Variants in CNTLN observed in about 807,000 individuals in gnomAD.
The protein encoded by CNTLN is centlein.
In CNTLN, 212 loss-of-function variants were observed where a neutral mutation model predicts 180.0. The ratio of observed to expected loss-of-function variants is 1.18; its 90% CI spans 1.05 to 1.32. The LOEUF is 1.32. Among genes scored for constraint, CNTLN ranks in the 40% most tolerant of loss-of-function variants. The probability of loss-of-function intolerance (pLI) is 0.00; values close to 1 mark genes in which losing one functional copy is unlikely to be tolerated. For synonymous variants in CNTLN, 722 were observed against 563.1 expected (o/e 1.28, Z -3.99); for missense variants, 2,095 against 1,610.9 (o/e 1.30, Z -5.14).
At chr9:17,469,244 A>G (rs1282596286) in intron 23 of CNTLN, among the ~76,000 whole-genome samples, 1 of 151,958 alleles carries the variant, frequency 6.6e-6, no homozygotes, top group Non-Finnish European at 1.5e-5. Flanking sequence ...TCAAATAACA[A>G]TACATATCAG....
At chr9:17,502,315 G>T (rs73641968) in intron 25 of CNTLN, among the ~76,000 whole-genome samples, 9,741 of 152,184 alleles carry the variant, frequency 0.064, 952 homozygotes, top group African/African-American at 0.22. Flanking sequence ...ACCATGAATT[G>T]TTCAATAAGG....
At position 17,466,076 on chromosome 9, in the gene CNTLN, T is replaced by C; in HGVS notation, c.3627T>C (p.Tyr1209=). The change falls in exon 22 of 26, where the codon TAT becomes TAC. Residue 1209 remains tyrosine, a synonymous_variant. Coordinates refer to ENST00000380647, the MANE Select transcript of CNTLN (RefSeq NM_017738.4). The part of the protein sequence containing the change: ...LNVAVKEKSQ[Y]EQMYQKSKEE... Reference sequence around the variant, plus strand: ...TTGCTGTAAAAGAAAAGTCACAGTATGAACAGATGTATCAGAAATCTAAAG... The same window carrying C: ...TTGCTGTAAAAGAAAAGTCACAGTACGAACAGATGTATCAGAAATCTAAAG... The C allele has an allele frequency of 6.2e-7, 1 of 1,605,708 alleles. No individual in the cohort carries two copies. Among genetic ancestry groups the C allele is most frequent in the East Asian group, 2.2e-5 (1 of 44,496 alleles).
chr9:17,323,023 A>G (rs1006355662), intron 8 of CNTLN, among the ~76,000 whole-genome samples: 2 of 152,146 alleles, frequency 1.3e-5, no homozygotes, highest in African/African-American at 2.4e-5. Context: ...AATTAACTAA[A>G]TCTGATTTTT....
At chr9:17,418,196 A>C (rs1281429860) in intron 18 of CNTLN, among the ~76,000 whole-genome samples, 2 of 152,042 alleles carry the variant, frequency 1.3e-5, no homozygotes, top group Non-Finnish European at 2.9e-5. Flanking sequence ...TTTAGGAAAG[A>C]GTAAGAATCA....
intron 2 of CNTLN, among the ~76,000 whole-genome samples, chr9:17,202,685 G>A (rs958912377): frequency 1.8e-5 from 1 of 56,140 alleles, no homozygotes; most frequent in Non-Finnish European, 3.6e-5. Context: ...CTTTCCATTT[G>A]CTTGGTAAGT....
chr9:17,291,573 C>CT (rs913259121), intron 6 of CNTLN, among the ~76,000 whole-genome samples: 1 of 152,134 alleles, frequency 6.6e-6, no homozygotes, highest in Non-Finnish European at 1.5e-5. Context: ...CCCTCTTTGT[C>CT]TTTTTTGATC....
At chr9:17,477,354 G>A (rs555384582) in intron 23 of CNTLN, among the ~76,000 whole-genome samples, 1 of 152,054 alleles carries the variant, frequency 6.6e-6, no homozygotes, top group Non-Finnish European at 1.5e-5. Flanking sequence ...TAAAGTTGAA[G>A]ACTTTAAAGT....
At chr9:17,488,761 G>A (rs1221045612) in intron 25 of CNTLN, among the ~76,000 whole-genome samples, 1 of 152,058 alleles carries the variant, frequency 6.6e-6, no homozygotes. Context: ...TTGTGCCACT[G>A]AGCCTGGACT....
chr9:17,376,375 C>T (rs1393925326), intron 13 of CNTLN, among the ~76,000 whole-genome samples: 1 of 151,954 alleles, frequency 6.6e-6, no homozygotes, highest in Non-Finnish European at 1.5e-5. Context: ...AAAACTAGTT[C>T]ACAACATGTT....
chr9:17,290,765 C>T (rs1468761644), intron 6 of CNTLN, among the ~76,000 whole-genome samples: 7 of 151,656 alleles, frequency 4.6e-5, no homozygotes, highest in African/African-American at 7.3e-5. Context: ...GGGAGTGACC[C>T]GATTTTCCAG....
At position 17,262,038 on chromosome 9, in the gene CNTLN, C is replaced by T. The variant is rs1031115561; in HGVS notation, c.850-11695C>T. Among the ~76,000 whole-genome samples the T allele has an allele frequency of 2.1e-4, 32 of 151,570 alleles. 1 individual carries two copies. The highest frequency in any genetic ancestry group is 6.4e-4 in the African/African-American group (26 of 40,920). ...AACCACTATGAGATACCATCTCACG[C>T]CAGTTAGAACAGCGATTATTAAAAA... On this transcript the variant is annotated intron_variant, in intron 5 of 25. Coordinates refer to ENST00000380647, the MANE Select transcript of CNTLN (RefSeq NM_017738.4).
At chr9:17,491,256 A>G (rs1312091417) in intron 25 of CNTLN, among the ~76,000 whole-genome samples, 2 of 152,108 alleles carry the variant, frequency 1.3e-5, no homozygotes, top group Non-Finnish European at 2.9e-5. Flanking sequence ...TACCTTCTAC[A>G]TGCCAGGTAT....
intron 5 of CNTLN, among the ~76,000 whole-genome samples, chr9:17,260,173 A>C (rs1401983061): frequency 6.8e-6 from 1 of 147,500 alleles, no homozygotes; most frequent in Non-Finnish European, 1.5e-5. Context: ...CTGGTATGTT[A>C]TGTCTTTGTT....
intron 23 of CNTLN, among the ~76,000 whole-genome samples, chr9:17,482,498 A>C (rs1379577489): frequency 6.6e-6 from 1 of 152,208 alleles, no homozygotes; most frequent in Non-Finnish European, 1.5e-5. Flanking sequence ...AGGAAGACTC[A>C]GCATTCCAAA....
intron 5 of CNTLN, among the ~76,000 whole-genome samples, chr9:17,268,752 T>TC (rs755146165): frequency 5.9e-5 from 9 of 151,974 alleles, no homozygotes; most frequent in Non-Finnish European, 1.2e-4. Context: ...CAGGCACTCC[T>TC]CCCCCAGCCT....
intron 11 of CNTLN, among the ~76,000 whole-genome samples, chr9:17,341,402 A>G (rs1348148765): frequency 6.6e-6 from 1 of 152,300 alleles, no homozygotes; most frequent in Non-Finnish European, 1.5e-5. Flanking sequence ...ACTTCAACCT[A>G]GTATGCAATT....
At chr9:17,204,647 G>T (rs1482295195) in intron 2 of CNTLN, among the ~76,000 whole-genome samples, 2 of 152,156 alleles carry the variant, frequency 1.3e-5, no homozygotes, top group Non-Finnish European at 2.9e-5. Flanking sequence ...AAGGCATGGG[G>T]GTTAGGGACC....
chr9:17,497,642 C>T (rs1833531189), intron 25 of CNTLN, among the ~76,000 whole-genome samples: 1 of 152,172 alleles, frequency 6.6e-6, no homozygotes, highest in Admixed American at 6.5e-5. Context: ...AGTTTGAAAG[C>T]AGCAGGCACA....
chr9:17,294,970 C>T (rs1188613998), intron 6 of CNTLN, among the ~76,000 whole-genome samples: 1 of 149,366 alleles, frequency 6.7e-6, no homozygotes. Flanking sequence ...GGTCCCCAGC[C>T]CTGCCGCACA....
Sources: gnomAD v4.1 joint callset for allele counts (sites outside exome capture counted in the v4.1 genomes callset) on GRCh38, gnomAD v4.1.1 for gene constraint, MANE v1.5 for transcripts, NCBI Gene and HGNC (gene_info 2026-07-23, HGNC 2026-07-21) for gene names.